The following HECW2 variants were observed in gnomAD, a reference collection of about 807,000 sequenced individuals.
HECW2 encodes HECT, C2 and WW domain containing E3 ubiquitin protein ligase 2, also known as E3 ubiquitin-protein ligase HECW2.
A neutral mutation model predicts 175.2 loss-of-function variants in HECW2; 61 were observed. The observed-to-expected ratio is 0.35, with a 90% CI of 0.28 to 0.43. The LOEUF (loss-of-function observed/expected upper bound fraction) is 0.43. HECW2 is among the 20% of genes least tolerant of loss of function. The pLI is 1.00. For missense variants in HECW2, 1,524 were observed against 2,000.5 expected, an observed-to-expected ratio of 0.76 and a Z score of 4.54; for synonymous variants, 671 against 731.0, an observed-to-expected ratio of 0.92 and a Z score of 1.32.
chr2:196,259,252 C>T (rs1304714046), intron 17 of HECW2, among the ~76,000 whole-genome samples: 11 of 152,142 alleles, frequency 7.2e-5, no homozygotes, highest in Non-Finnish European at 8.8e-5. Context: ...GGATTATAGG[C>T]GTAAGCCACC....
chr2:196,379,561 T>A (rs1694146101), intron 2 of HECW2, among the ~76,000 whole-genome samples: 1 of 151,824 alleles, frequency 6.6e-6, no homozygotes, highest in South Asian at 2.1e-4. Context: ...GGCGGGCGCC[T>A]GTAGTCCCAG....
chr2:196,413,171 A>G (rs1575516292), intron 2 of HECW2, among the ~76,000 whole-genome samples: 1 of 152,266 alleles, frequency 6.6e-6, no homozygotes, highest in East Asian at 1.9e-4. Context: ...TGGGCAACAT[A>G]GAGAGACCCT....
At chr2:196,299,158 G>T (rs1462038183) in intron 13 of HECW2, among the ~76,000 whole-genome samples, 3 of 146,930 alleles carry the variant, frequency 2.0e-5, no homozygotes, top group Non-Finnish European at 3.1e-5. Flanking sequence ...TGTACAGCAT[G>T]GATCATCTTT....
rs1451055832 is a variant in HECW2 at position 196,334,886 on chromosome 2, C to G, written c.401-368G>C. ...CACAGAACCTTGGGAGGCAGAAATT[C>G]CTTTCCCCATATTACAGAAGAGATG... On this transcript the variant is annotated intron_variant, in intron 3 of 28. Transcript: ENST00000644978. 2.6e-5 allele frequency among the ~76,000 whole-genome samples: 4 copies of G among 152,160 alleles called. No homozygotes were observed. In the East Asian group the frequency reaches 7.7e-4, roughly 29 times the overall value.
At chr2:196,585,290 T>C (rs890902539) in intron 1 of HECW2, among the ~76,000 whole-genome samples, 6 of 152,202 alleles carry the variant, frequency 3.9e-5, no homozygotes, top group African/African-American at 1.4e-4. Flanking sequence ...TTTATACCCA[T>C]TACTTAGCAT....
chr2:196,571,143 A>G (rs148886790), intron 1 of HECW2, among the ~76,000 whole-genome samples: 44 of 152,374 alleles, frequency 2.9e-4, no homozygotes, highest in African/African-American at 1.1e-3. Context: ...TTACACAAAA[A>G]TAATAACAAA....
chr2:196,321,690 G>A (rs1000566071), intron 7 of HECW2, among the ~76,000 whole-genome samples: 1 of 152,092 alleles, frequency 6.6e-6, no homozygotes, highest in Non-Finnish European at 1.5e-5. Context: ...ATGAGCTGCC[G>A]TGCCCGGCCA....
rs551830988 is a variant in HECW2, at chr2:196,218,837, C to A, written c.4408+1202G>T. On this transcript the variant is annotated intron_variant, in intron 26 of 28. Coordinates refer to ENST00000644978, the MANE Select transcript of HECW2 (RefSeq NM_001348768.2). ...CAACATTATAATAACCAAAGAGATA[C>A]ATGGATTATACTTGGGCCAACTGGA... Among the ~76,000 whole-genome samples the A allele has an allele frequency of 8.5e-5, 13 of 152,250 alleles. No homozygotes were observed. In the South Asian group the frequency reaches 1.4e-3, roughly 17 times the overall value.
chr2:196,322,947 G>A (rs1692002958), intron 6 of HECW2, among the ~76,000 whole-genome samples: 1 of 152,186 alleles, frequency 6.6e-6, no homozygotes, highest in Non-Finnish European at 1.5e-5. Context: ...TACATTTATT[G>A]TATCTCAATT....
At chr2:196,582,789 C>T (rs1398539762) in intron 1 of HECW2, among the ~76,000 whole-genome samples, 3 of 152,220 alleles carry the variant, frequency 2.0e-5, no homozygotes, top group Admixed American at 6.5e-5. Context: ...CAACAAATTA[C>T]ACCCAAGAGA....
chr2:196,282,661 AT>A (rs1690230814), intron 14 of HECW2, among the ~76,000 whole-genome samples: 1 of 152,174 alleles, frequency 6.6e-6, no homozygotes, highest in Non-Finnish European at 1.5e-5. Flanking sequence ...TATGATAACG[AT>A]TGTGGAGACC....
At chr2:196,545,430 C>G (rs1040936561) in intron 1 of HECW2, among the ~76,000 whole-genome samples, 1 of 152,182 alleles carries the variant, frequency 6.6e-6, no homozygotes, top group African/African-American at 2.4e-5. Flanking sequence ...TGGAGACAGC[C>G]ACAGCCCAAC....
Position 196,317,307 on chromosome 2 carries a change from G to A in HECW2, c.2401C>T (p.Arg801Trp), listed in dbSNP as rs1271490114. The stretch of plus-strand genomic sequence containing the variant: ...AGAGCCTCGTCCACCCTCTGGTACC[G>A]GCTAACATCCTGGCGCACTGAAGGT... ...SLPSVRQDVS[R>W]YQRVDEALPP... is the part of the protein sequence containing the mutation. Residue 801 changes from arginine (R) to tryptophan (W), a missense_variant, in exon 10 of 29, where the codon CGG becomes TGG. By Grantham distance (101) the Arg-to-Trp change is moderately radical. Transcript: ENST00000644978. 5 of 1,613,336 alleles carry A rather than the reference G, an allele frequency of 3.1e-6. No individual in the cohort carries two copies. The highest frequency in any genetic ancestry group is 1.7e-5 in the Admixed American group (1 of 59,926).
At chr2:196,584,805 G>A (rs1184882878) in intron 1 of HECW2, among the ~76,000 whole-genome samples, 1 of 152,110 alleles carries the variant, frequency 6.6e-6, no homozygotes, top group East Asian at 1.9e-4. Flanking sequence ...TCCATCTAAA[G>A]GAAGTCTCAG....
At chr2:196,251,580 C>G (rs115441894) in intron 19 of HECW2, among the ~76,000 whole-genome samples, 1 of 152,188 alleles carries the variant, frequency 6.6e-6, no homozygotes, top group Non-Finnish European at 1.5e-5. Context: ...ATTTCCCATT[C>G]TTGGCAGAGG....
At chr2:196,421,835 G>A (rs1695414394) in intron 2 of HECW2, among the ~76,000 whole-genome samples, 1 of 152,070 alleles carries the variant, frequency 6.6e-6, no homozygotes, top group South Asian at 2.1e-4. Context: ...CAGTCAATAT[G>A]TTAAAGCATA....
intron 13 of HECW2, among the ~76,000 whole-genome samples, chr2:196,305,876 A>C (rs1691238583): frequency 1.3e-5 from 2 of 152,106 alleles, no homozygotes; most frequent in Admixed American, 1.3e-4. Context: ...AAATCACTTC[A>C]TGTGCAGTTA....
chr2:196,229,975 A>C (rs1687991205), intron 21 of HECW2, among the ~76,000 whole-genome samples: 1 of 152,224 alleles, frequency 6.6e-6, no homozygotes, highest in African/African-American at 2.4e-5. Flanking sequence ...TTAACACATC[A>C]CCAGTGGTAT....
At chr2:196,367,592 T>G (rs1322232834) in intron 2 of HECW2, among the ~76,000 whole-genome samples, 1 of 152,150 alleles carries the variant, frequency 6.6e-6, no homozygotes, top group Non-Finnish European at 1.5e-5. Context: ...ATTCATTCTA[T>G]CTAACCATAT....
Sources: allele counts gnomAD v4.1 joint callset (sites outside exome capture counted in the v4.1 genomes callset), GRCh38; gene constraint gnomAD v4.1.1; transcripts MANE v1.5; gene names NCBI Gene and HGNC (gene_info 2026-07-23, HGNC 2026-07-21).